Variants in EIF4ENIF1 observed in about 807,000 individuals in gnomAD.
The protein encoded by EIF4ENIF1 is eukaryotic translation initiation factor 4E nuclear import factor 1.
In EIF4ENIF1, 23 loss-of-function variants were observed where a neutral mutation model predicts 110.5. The ratio of observed to expected loss-of-function variants is 0.21; its 90% CI spans 0.15 to 0.29. The LOEUF is 0.29. EIF4ENIF1 is among the 10% of genes least tolerant of loss of function. The pLI is 1.00. For synonymous variants in EIF4ENIF1, 440 were observed against 437.0 expected (o/e 1.01, Z -0.09); for missense variants, 1,031 against 1,221.1 (o/e 0.84, Z 2.32).
upstream of EIF4ENIF1, among the ~76,000 whole-genome samples, chr22:31,490,563 C>T (rs982224384): frequency 2.6e-5 from 4 of 152,150 alleles, no homozygotes; most frequent in Non-Finnish European, 5.9e-5. Flanking sequence ...TGTTGTTTCC[C>T]TCCGGTAACC....
intron 10 of EIF4ENIF1, 94 bp from the exon 11 acceptor site, chr22:31,450,454 G>A (rs1369142987): frequency 2.1e-6 from 2 of 954,460 alleles, no homozygotes; most frequent in Non-Finnish European, 3.3e-6. Context: ...AATACTCCTA[G>A]GGAGTTAATA....
chr22:31,486,362 G>A (rs899484478), intron 2 of EIF4ENIF1, among the ~76,000 whole-genome samples: 33 of 152,194 alleles, frequency 2.2e-4, no homozygotes, highest in African/African-American at 8.0e-4. Flanking sequence ...TACTTGGGAG[G>A]CTGAGGCAGG....
intron 14 of EIF4ENIF1, among the ~76,000 whole-genome samples, chr22:31,445,474 T>C (rs1009991835): frequency 6.6e-6 from 1 of 152,204 alleles, no homozygotes; most frequent in African/African-American, 2.4e-5. Context: ...GCTGCCATGC[T>C]GTGACTGTGT....
chr22:31,464,699 A>AAAT (rs1304121964), intron 4 of EIF4ENIF1, among the ~76,000 whole-genome samples: 2 of 39,134 alleles, frequency 5.1e-5, no homozygotes, highest in African/African-American at 9.6e-5. Context: ...AAAAAAAAAA[A>AAAT]ATATATATAT....
At chr22:31,442,143 T>C (rs1794522428) in intron 16 of EIF4ENIF1, 25 bp from the exon 17 acceptor site, 2 of 1,568,648 alleles carry the variant, frequency 1.3e-6, no homozygotes, top group African/African-American at 1.4e-5. Flanking sequence ...ACAAAAAATA[T>C]TTTGGCAAAC....
chr22:31,462,797 G>A lies in EIF4ENIF1; in HGVS notation c.787+135C>T, dbSNP rs1253539185. On this transcript the variant is annotated intron_variant, in intron 6 of 18. Transcript: ENST00000330125. ...GGGGTTTCACCATGTTGGCCAGGCT[G>A]GTCTCAAACTCCTGACCTCAGGTGA... 1.1e-5 allele frequency: 9 copies of A among 813,810 alleles called. No individual in the cohort carries two copies. The East Asian group carries it at 2.5e-4, about 22-fold the overall frequency. 50.4% of individuals were successfully genotyped at this position (813,810 alleles called of 1,614,324 possible).
In EIF4ENIF1 at chr22:31,442,953, C is replaced by T; in HGVS notation, c.2206+9G>A. The T allele has an allele frequency of 6.2e-7, 1 of 1,613,804 alleles. No homozygotes were observed. The highest frequency in any genetic ancestry group is 8.5e-7 in the Non-Finnish European group (1 of 1,179,820). On this transcript the variant is annotated intron_variant, in intron 16 of 18. Transcript: ENST00000330125. Reference sequence around the variant, plus strand: ...TTCTTGAGCAGTGCCCTTAACAGCTCTGCAGTACCTTCACTGGCCTTCTGA... The same window carrying T: ...TTCTTGAGCAGTGCCCTTAACAGCTTTGCAGTACCTTCACTGGCCTTCTGA...
At chr22:31,482,806 G>A (rs2051869920) in intron 2 of EIF4ENIF1, among the ~76,000 whole-genome samples, 5 of 151,712 alleles carry the variant, frequency 3.3e-5, no homozygotes, top group Admixed American at 3.3e-4. Context: ...GGTGGATCAT[G>A]AGATCAGGAG....
chr22:31,461,095 T>A (rs1490502724), intron 6 of EIF4ENIF1, among the ~76,000 whole-genome samples: 5 of 152,222 alleles, frequency 3.3e-5, no homozygotes, highest in Non-Finnish European at 5.9e-5. Context: ...TGGGTACATG[T>A]GTTCTTCAAT....
At position 31,458,558 on chromosome 22, in the gene EIF4ENIF1, C is replaced by G; in HGVS notation, c.880G>C (p.Asp294His). 6.2e-7 allele frequency: 1 copy of G among 1,613,980 alleles called. No individual in the cohort carries two copies. The highest frequency in any genetic ancestry group is 8.5e-7 in the Non-Finnish European group (1 of 1,179,876). The change falls in exon 7 of 19, where the codon GAT becomes CAT. Residue 294 changes from aspartate to histidine, a missense_variant. By Grantham distance (81) the Asp-to-His change is moderately conservative (BLOSUM62 -1). This residue lies in a region of EIF4ENIF1 where 704 missense variants were observed against 879.7 expected (regional missense o/e 0.80). Coordinates refer to ENST00000330125, the MANE Select transcript of EIF4ENIF1 (RefSeq NM_019843.4). ...GGGGACTGCTCAGGCAAGACAGCAT[C>G]CCTTGGCACTTCCTGATCAGCCGCA... ...EPAADQEVPRDAVLPEQSPGD... is the reference protein window; with the variant it reads ...EPAADQEVPRHAVLPEQSPGD...
intron 2 of EIF4ENIF1, among the ~76,000 whole-genome samples, chr22:31,483,232 G>A (rs1234279705): frequency 5.8e-5 from 2 of 34,312 alleles, no homozygotes; most frequent in African/African-American, 2.0e-4. Context: ...TTTTTTTTTT[G>A]AGACAGGGTC....
chr22:31,470,685 C>CTTTTTTT (rs1174357066), intron 3 of EIF4ENIF1, among the ~76,000 whole-genome samples: 1 of 122,080 alleles, frequency 8.2e-6, no homozygotes, highest in African/African-American at 3.1e-5. Context: ...TTAAATAGGA[C>CTTTTTTT]TTTTTTTTTT....
At chr22:31,448,941 A>G (rs964449820) in intron 12 of EIF4ENIF1, among the ~76,000 whole-genome samples, 2 of 152,238 alleles carry the variant, frequency 1.3e-5, no homozygotes, top group Non-Finnish European at 2.9e-5. Context: ...AAAAAAATCT[A>G]TAACATGAAC....
In EIF4ENIF1 at chr22:31,462,917, A is replaced by G. The variant is rs773403586; in HGVS notation, c.787+15T>C. On this transcript the variant is annotated intron_variant, in intron 6 of 18. Coordinates refer to ENST00000330125, the MANE Select transcript of EIF4ENIF1 (RefSeq NM_019843.4). ...TTTTAAAACAGCGAACTTCCCTCCC[A>G]AAGTTTGAACTGACCTTCCTTCACA... 2 of 1,612,282 alleles carry G rather than the reference A, an allele frequency of 1.2e-6. No homozygotes were observed. Among genetic ancestry groups the G allele is most frequent in the African/African-American group, 1.3e-5 (1 of 74,968 alleles).
chr22:31,441,688 C>CT (rs112148352), intron 17 of EIF4ENIF1, 86 bp downstream of exon 17: 3 of 1,172,408 alleles, frequency 2.6e-6, no homozygotes. Context: ...GGATGGAAAT[C>CT]TCCCACATTA....
Position 31,447,060 on chromosome 22 carries a change from G to A in EIF4ENIF1, c.1988+366C>T, listed in dbSNP as rs150427102. ...GCTAGTTTCATTTGTAAAAATGAAT[G>A]GTTTAACTGGTAGAAACATCCTAAG... is the stretch of plus-strand genomic sequence containing the variant. On this transcript the variant is annotated intron_variant, in intron 14 of 18. Transcript: ENST00000330125. The A allele has an allele frequency of 2.1e-4, 94 of 446,620 alleles. No homozygotes were observed. The East Asian group carries it at 3.4e-3, about 16-fold the overall frequency. The allele number at this position is 446,620 out of a possible 1,614,324, so 27.7% of individuals were successfully genotyped here.
chr22:31,451,435 A>G (rs1190190011), intron 10 of EIF4ENIF1, among the ~76,000 whole-genome samples: 3 of 149,058 alleles, frequency 2.0e-5, no homozygotes, highest in Non-Finnish European at 4.4e-5. Flanking sequence ...CACCACGCCC[A>G]GCTAATTTTT....
At chr22:31,467,803 A>T (rs73160632) in intron 4 of EIF4ENIF1, among the ~76,000 whole-genome samples, 1 of 151,960 alleles carries the variant, frequency 6.6e-6, no homozygotes. Context: ...AAAAAAAAAC[A>T]GAACAAAAAA....
At chr22:31,475,509 T>C (rs911203614) in intron 2 of EIF4ENIF1, among the ~76,000 whole-genome samples, 3 of 152,072 alleles carry the variant, frequency 2.0e-5, no homozygotes, top group South Asian at 2.1e-4. Context: ...CCCAGCACTA[T>C]AGGAGGCTGA....
Sources: gnomAD v4.1 joint callset for allele counts (sites outside exome capture counted in the v4.1 genomes callset) on GRCh38, gnomAD v4.1.1 for gene constraint, gnomAD v4.1.1 regional missense constraint, MANE v1.5 for transcripts, NCBI Gene and HGNC (gene_info 2026-07-23, HGNC 2026-07-21) for gene names.